The following FAT3 variants were observed in gnomAD, a reference collection of about 807,000 sequenced individuals.
The protein encoded by FAT3 is protocadherin Fat 3.
In FAT3, 95 loss-of-function variants were observed where a neutral mutation model predicts 310.2. That is an observed-to-expected ratio of 0.31 (90% CI 0.26 to 0.36). FAT3 has a LOEUF of 0.36. Ranked by LOEUF, FAT3 falls within the 10% of genes least tolerant of loss-of-function variation. The pLI is 1.00. For missense variants in FAT3, 5,408 were observed against 5,715.6 expected (o/e 0.95, Z 1.74); for synonymous variants, 2,314 against 2,192.9 (o/e 1.06, Z -1.54).
chr11:92,704,534 G>A (rs747103618), intron 4 of FAT3, among the ~76,000 whole-genome samples: 11 of 152,148 alleles, frequency 7.2e-5, no homozygotes, highest in Non-Finnish European at 1.3e-4. Context: ...ATGAAAATGA[G>A]GTCACTGGGA....
intron 3 of FAT3, among the ~76,000 whole-genome samples, chr11:92,675,192 C>A (rs920183081): frequency 6.6e-6 from 1 of 152,108 alleles, no homozygotes; most frequent in African/African-American, 2.4e-5. Flanking sequence ...TTTGCTCTAC[C>A]AAGAAGCCAA....
At chr11:92,285,717 G>T (rs768357612) in intron 1 of FAT3, among the ~76,000 whole-genome samples, 5 of 152,126 alleles carry the variant, frequency 3.3e-5, no homozygotes, top group South Asian at 2.1e-4. Flanking sequence ...GTTCCCTTGC[G>T]CATGTCCTGT....
chr11:92,458,900 A>G (rs909696267), intron 2 of FAT3, among the ~76,000 whole-genome samples: 23 of 152,186 alleles, frequency 1.5e-4, no homozygotes, highest in African/African-American at 5.1e-4. Flanking sequence ...ACTAACCAGC[A>G]TTGTACATGC....
chr11:92,330,091 G>C, intron 1 of FAT3, among the ~76,000 whole-genome samples: 1 of 152,190 alleles, frequency 6.6e-6, no homozygotes, highest in Non-Finnish European at 1.5e-5. Flanking sequence ...TTGAAATGTA[G>C]TGGAAAGAGA....
chr11:92,534,672 A>C (rs1247057202), intron 3 of FAT3, among the ~76,000 whole-genome samples: 1 of 152,200 alleles, frequency 6.6e-6, no homozygotes, highest in Non-Finnish European at 1.5e-5. Flanking sequence ...CCTCATAAAC[A>C]GAGAGAAATT....
At chr11:92,879,230 CT>C (rs1436716223) in intron 22 of FAT3, among the ~76,000 whole-genome samples, 1 of 152,160 alleles carries the variant, frequency 6.6e-6, no homozygotes, top group Non-Finnish European at 1.5e-5. Context: ...CCTATAAACC[CT>C]TTTGGAGGAA....
intron 3 of FAT3, among the ~76,000 whole-genome samples, chr11:92,552,294 G>A (rs1954847700): frequency 6.6e-6 from 1 of 152,092 alleles, no homozygotes; most frequent in South Asian, 2.1e-4. Context: ...ATAAAGATTT[G>A]ATGTGTTTTT....
At chr11:92,405,812 A>G (rs1346240357) in intron 2 of FAT3, among the ~76,000 whole-genome samples, 1 of 152,186 alleles carries the variant, frequency 6.6e-6, no homozygotes, top group Non-Finnish European at 1.5e-5. Context: ...AAAAATATGT[A>G]TTTGGAAAGG....
At chr11:92,376,819 T>C (rs1387906867) in intron 2 of FAT3, among the ~76,000 whole-genome samples, 2 of 152,334 alleles carry the variant, frequency 1.3e-5, no homozygotes, top group Non-Finnish European at 1.5e-5. Context: ...GACATATATA[T>C]GAACCCCAAA....
At chr11:92,412,176 C>T (rs930146566) in intron 2 of FAT3, among the ~76,000 whole-genome samples, 1 of 151,990 alleles carries the variant, frequency 6.6e-6, no homozygotes, top group Non-Finnish European at 1.5e-5. Flanking sequence ...GATCTAGGCT[C>T]ACTGCAATCT....
chr11:92,873,999 C>T (rs941766598), intron 22 of FAT3, among the ~76,000 whole-genome samples: 2 of 152,128 alleles, frequency 1.3e-5, no homozygotes, highest in Non-Finnish European at 2.9e-5. Context: ...AATAACAATA[C>T]TTATGGCATA....
chr11:92,642,308 G>A (rs1941992678), intron 3 of FAT3, among the ~76,000 whole-genome samples: 1 of 152,204 alleles, frequency 6.6e-6, no homozygotes, highest in Non-Finnish European at 1.5e-5. Context: ...TGGGAACATG[G>A]CCAGTTCACT....
At chr11:92,887,696 C>T (rs1949828684) in intron 25 of FAT3, among the ~76,000 whole-genome samples, 3 of 152,184 alleles carry the variant, frequency 2.0e-5, no homozygotes, top group South Asian at 2.1e-4. Context: ...ACTTTGTTGA[C>T]ACTCCAAAGC....
intron 1 of FAT3, among the ~76,000 whole-genome samples, chr11:92,247,842 G>A (rs191851405): frequency 6.6e-6 from 1 of 151,528 alleles, no homozygotes; most frequent in Non-Finnish European, 1.5e-5. Context: ...TGTGGCATGA[G>A]CCTGTTGTTG....
chr11:92,270,061 C>T (rs908295796), intron 1 of FAT3, among the ~76,000 whole-genome samples: 2 of 152,142 alleles, frequency 1.3e-5, no homozygotes, highest in Non-Finnish European at 2.9e-5. Context: ...CATTAAGGCT[C>T]TCTTTCCAGG....
intron 3 of FAT3, among the ~76,000 whole-genome samples, chr11:92,598,477 G>A (rs1303904114): frequency 6.6e-6 from 1 of 152,174 alleles, no homozygotes; most frequent in Middle Eastern, 3.4e-3. Context: ...CTCTCAAAGT[G>A]TTTGGATTAC....
chr11:92,836,150 A>G (rs1296090653), intron 15 of FAT3, among the ~76,000 whole-genome samples: 1 of 152,190 alleles, frequency 6.6e-6, no homozygotes, highest in African/African-American at 2.4e-5. Context: ...CTGTGTGGGA[A>G]GGGGAACTTT....
chr11:92,586,326 C>T (rs1939154942), intron 3 of FAT3, among the ~76,000 whole-genome samples: 1 of 151,950 alleles, frequency 6.6e-6, no homozygotes. Context: ...ACCTATAGCA[C>T]AGCCTGCAGT....
intron 3 of FAT3, among the ~76,000 whole-genome samples, chr11:92,587,604 T>C (rs1206495885): frequency 6.6e-6 from 1 of 151,730 alleles, no homozygotes; most frequent in Non-Finnish European, 1.5e-5. Flanking sequence ...AAACCTTGAG[T>C]TTGAGTATTT....
Sources: allele counts gnomAD v4.1 joint callset (sites outside exome capture counted in the v4.1 genomes callset), GRCh38; gene constraint gnomAD v4.1.1; transcripts MANE v1.5; gene names NCBI Gene and HGNC (gene_info 2026-07-23, HGNC 2026-07-21).